The following ZNF277 variants were observed in gnomAD, a reference collection of about 807,000 sequenced individuals.
The protein encoded by ZNF277 is nuclear receptor-interacting factor 4.
ZNF277 carries 55 observed loss-of-function variants against 60.7 expected under a neutral mutation model. The observed-to-expected ratio is 0.91, with a 90% CI of 0.73 to 1.13. The LOEUF (loss-of-function observed/expected upper bound fraction) is 1.13, where lower values mean the gene tolerates loss of function less well. Among genes scored for constraint, ZNF277 ranks in the 50% most tolerant of loss-of-function variants. The pLI, the probability that ZNF277 is intolerant of heterozygous loss-of-function variation, is 0.00. For missense variants in ZNF277, 510 were observed against 523.0 expected (o/e 0.98, Z 0.24); for synonymous variants, 178 against 179.3 (o/e 0.99, Z 0.06).
At chr7:112,308,195 A>C (rs1222086492) in intron 4 of ZNF277, among the ~76,000 whole-genome samples, 1 of 152,038 alleles carries the variant, frequency 6.6e-6, no homozygotes, top group Non-Finnish European at 1.5e-5. Context: ...GTCTGCTAAC[A>C]CTTTACTTAA....
At chr7:112,328,660 C>A (rs909299106) in intron 6 of ZNF277, among the ~76,000 whole-genome samples, 4 of 152,072 alleles carry the variant, frequency 2.6e-5, no homozygotes, top group African/African-American at 7.2e-5. Context: ...CACCTGAGCT[C>A]GGGATTTTGA....
At chr7:112,307,273 C>T (rs1355771911) in intron 4 of ZNF277, among the ~76,000 whole-genome samples, 2 of 152,058 alleles carry the variant, frequency 1.3e-5, no homozygotes, top group East Asian at 3.9e-4. Context: ...AAAATACAAA[C>T]TTTTGTCTTC....
chr7:112,248,694 A>AT (rs1158449855), intron 1 of ZNF277, among the ~76,000 whole-genome samples: 1 of 151,712 alleles, frequency 6.6e-6, no homozygotes, highest in Non-Finnish European at 1.5e-5. Context: ...GTATATATGC[A>AT]TTTTTTTAGT....
In ZNF277 at chr7:112,286,958, T is replaced by C. The variant is rs1792083300; in HGVS notation, c.177T>C (p.Pro59=). Residue 59 remains proline (P), a synonymous_variant, in exon 2 of 12, where the codon CCT becomes CCC. Transcript: ENST00000361822. The part of the protein sequence containing the change: ...TTTLEGSPSV[P]CIFCEEHFPV... The stretch of plus-strand genomic sequence containing the variant: ...CTTTAGAAGGTTCTCCATCTGTGCC[T>C]TGTATTTTCTGTGAAGAACATTTTC... 4 of 1,613,374 alleles carry C rather than the reference T, an allele frequency of 2.5e-6. No homozygotes were observed. Among genetic ancestry groups the C allele is most frequent in the Non-Finnish European group, 3.4e-6 (4 of 1,179,868 alleles).
intron 9 of ZNF277, among the ~76,000 whole-genome samples, chr7:112,338,160 G>A (rs974588442): frequency 9.9e-5 from 15 of 152,270 alleles, no homozygotes; most frequent in Admixed American, 2.0e-4. Context: ...GAGCAAGAAG[G>A]GAGAACATTG....
chr7:112,289,061 T>G (rs985278780), intron 2 of ZNF277: 2 of 152,118 alleles, frequency 1.3e-5, no homozygotes, highest in Admixed American at 1.3e-4. Context: ...TTTATTTGTA[T>G]TTTTATCACC....
intron 1 of ZNF277, among the ~76,000 whole-genome samples, chr7:112,270,578 T>A (rs1228827937): frequency 1.3e-5 from 2 of 152,130 alleles, no homozygotes; most frequent in African/African-American, 4.8e-5. Context: ...TTATCAAATA[T>A]ATATGAGCAG....
chr7:112,311,440 TATA>T (rs1393192373), intron 4 of ZNF277, among the ~76,000 whole-genome samples: 1 of 152,168 alleles, frequency 6.6e-6, no homozygotes, highest in African/African-American at 2.4e-5. Flanking sequence ...GGCTCAAATG[TATA>T]ATGTCTGAGC....
chr7:112,251,902 A>G (rs1179363642), intron 1 of ZNF277, among the ~76,000 whole-genome samples: 2 of 152,214 alleles, frequency 1.3e-5, no homozygotes, highest in Non-Finnish European at 2.9e-5. Flanking sequence ...TTTTAAAGAC[A>G]GCTTATAAGA....
rs543062155 is a variant in ZNF277, at chr7:112,238,937, C to A, written c.91+32130C>A. Among the ~76,000 whole-genome samples the A allele has an allele frequency of 2.8e-4, 42 of 152,112 alleles. 1 individual carries two copies. In the South Asian group the frequency reaches 6.6e-3, roughly 24 times the overall value. The stretch of plus-strand genomic sequence containing the variant: ...CTCATCCGGATGACATTTTTAGACA[C>A]ATCCTGGACCAGAAGGGTACCCACT... On this transcript the variant is annotated intron_variant, in intron 1 of 11. Coordinates refer to ENST00000361822, the MANE Select transcript of ZNF277 (RefSeq NM_021994.3).
intron 1 of ZNF277, among the ~76,000 whole-genome samples, chr7:112,210,238 A>C (rs2116944222): frequency 6.6e-6 from 1 of 152,246 alleles, no homozygotes; most frequent in South Asian, 2.1e-4. Flanking sequence ...TTAAAATGTT[A>C]GTCTGTGTGT....
intron 2 of ZNF277, among the ~76,000 whole-genome samples, chr7:112,292,424 C>T (rs1792229861): frequency 1.3e-5 from 2 of 152,132 alleles, no homozygotes; most frequent in Admixed American, 6.6e-5. Flanking sequence ...GTATGCCTTT[C>T]GGAAGGGGAA....
chr7:112,292,764 A>G (rs1332130946), intron 2 of ZNF277, among the ~76,000 whole-genome samples: 1 of 152,120 alleles, frequency 6.6e-6, no homozygotes, highest in African/African-American at 2.4e-5. Flanking sequence ...AATAATTGTC[A>G]TTATTGTCAC....
intron 1 of ZNF277, among the ~76,000 whole-genome samples, chr7:112,281,093 G>A (rs1019481322): frequency 3.9e-5 from 6 of 152,166 alleles, no homozygotes; most frequent in Non-Finnish European, 8.8e-5. Context: ...CTTGCCGCAA[G>A]GCCATGTCAC....
At chr7:112,307,663 C>T (rs1792632869) in intron 4 of ZNF277, among the ~76,000 whole-genome samples, 1 of 151,900 alleles carries the variant, frequency 6.6e-6, no homozygotes, top group South Asian at 2.1e-4. Context: ...GATCCACCCG[C>T]CTCAACCTCC....
Position 112,207,183 on chromosome 7 carries a change from C to A in ZNF277, c.91+376C>A, listed in dbSNP as rs373265916. Among the ~76,000 whole-genome samples, 92 of 152,336 alleles carry A rather than the reference C, an allele frequency of 6.0e-4. 1 individual carries two copies. The South Asian group carries it at 0.015, about 25-fold the overall frequency. ...GTTTATAATTTTGGGATTAGCAGCT[C>A]TTTCTCCTCACCAGTACACTGCCTT... On this transcript the variant is annotated intron_variant, in intron 1 of 11. Coordinates refer to ENST00000361822, the MANE Select transcript of ZNF277 (RefSeq NM_021994.3).
intron 1 of ZNF277, among the ~76,000 whole-genome samples, chr7:112,207,451 A>C (rs1821560780): frequency 6.6e-6 from 1 of 152,200 alleles, no homozygotes; most frequent in Non-Finnish European, 1.5e-5. Context: ...TAGAGAAAGA[A>C]AAGGAAAGTG....
intron 1 of ZNF277, among the ~76,000 whole-genome samples, chr7:112,255,486 T>C (rs1056893291): frequency 2.0e-5 from 3 of 152,134 alleles, no homozygotes; most frequent in Admixed American, 6.5e-5. Flanking sequence ...AGAAGTTGCA[T>C]TGTTGGTGGT....
rs776446866 is a variant in ZNF277, at chr7:112,330,156, G to A, written c.741G>A (p.Gln247=). The change falls in exon 7 of 12, where the codon CAG becomes CAA. Residue 247 remains glutamine, a synonymous_variant. Coordinates refer to ENST00000361822, the MANE Select transcript of ZNF277 (RefSeq NM_021994.3). ...NTLKDHMRKK[Q]HRKINPKNRE... ...TTAAAGATCACATGAGGAAAAAACA[G>A]CATCGTAAGATTAATCCTAAGAACA... is the stretch of plus-strand genomic sequence containing the variant. The A allele has an allele frequency of 6.2e-7, 1 of 1,613,160 alleles. No homozygotes were observed. Among genetic ancestry groups the A allele is most frequent in the Non-Finnish European group, 8.5e-7 (1 of 1,179,626 alleles).
Sources: allele counts gnomAD v4.1 joint callset (sites outside exome capture counted in the v4.1 genomes callset), GRCh38; gene constraint gnomAD v4.1.1; transcripts MANE v1.5; gene names NCBI Gene and HGNC (gene_info 2026-07-23, HGNC 2026-07-21).